Variants in BPIFA1 observed in about 807,000 individuals in gnomAD.
The protein encoded by BPIFA1 is BPI fold containing family A member 1.
Under a neutral mutation model 25.1 loss-of-function variants are expected in BPIFA1, and 24 were observed. The ratio of observed to expected loss-of-function variants is 0.96; its 90% CI spans 0.69 to 1.35. The LOEUF (loss-of-function observed/expected upper bound fraction) is 1.35, where lower values mean the gene tolerates loss of function less well. BPIFA1 is among the 40% of genes most tolerant of loss of function. The pLI is 0.00. For synonymous variants in BPIFA1, 139 were observed against 131.8 expected, an observed-to-expected ratio of 1.05 and a Z score of -0.37; for missense variants, 344 against 303.7, an observed-to-expected ratio of 1.13 and a Z score of -0.99.
intron 7 of BPIFA1, 32 bp from the exon 8 acceptor site, chr20:33,242,455 T>C (rs1044859958): frequency 1.2e-6 from 2 of 1,612,786 alleles, no homozygotes; most frequent in Non-Finnish European, 1.7e-6. Context: ...ATAACTGTCG[T>C]CTGTTTTTTT....
In BPIFA1 at chr20:33,237,767, C is replaced by G; in HGVS notation, c.56C>G (p.Ala19Gly). 1 of 1,583,522 alleles carries G rather than the reference C, an allele frequency of 6.3e-7. No homozygotes were observed. Among genetic ancestry groups the G allele is most frequent in the South Asian group, 1.2e-5 (1 of 85,756 alleles). The change falls in exon 2 of 9, where the codon GCC becomes GGC. Residue 19 changes from alanine to glycine, a missense_variant. Coordinates refer to ENST00000354297, the MANE Select transcript of BPIFA1 (RefSeq NM_130852.3). The part of the protein sequence containing the change: ...VFYGLLAQTM[A>G]QFGGLPVPLD... ...TACGGGCTGTTAGCCCAGACCATGG[C>G]CCAGTTTGGAGGCCTGCCCGTGCCC...
At chr20:33,241,026 G>A (rs1418334612) in intron 5 of BPIFA1, among the ~76,000 whole-genome samples, 1 of 152,170 alleles carries the variant, frequency 6.6e-6, no homozygotes. Context: ...AGTTGCCCAC[G>A]TGGTTAACTT....
intron 6 of BPIFA1, 106 bp from the exon 7 acceptor site, chr20:33,241,950 C>T: frequency 9.7e-7 from 1 of 1,029,818 alleles, no homozygotes. Context: ...CTTAGAATCA[C>T]TTTCACACAG....
intron 7 of BPIFA1, 93 bp downstream of exon 7, chr20:33,242,212 T>A (rs1979012446): frequency 7.7e-7 from 1 of 1,294,872 alleles, no homozygotes; most frequent in African/African-American, 1.5e-5. Context: ...GGATACTAGG[T>A]CCCTCTGGCC....
chr20:33,236,933 C>T lies in BPIFA1; in HGVS notation c.-15-764C>T, dbSNP rs142432787. Among the ~76,000 whole-genome samples the T allele has an allele frequency of 5.8e-3, 884 of 152,226 alleles. 6 individuals carry two copies. The highest frequency in any genetic ancestry group is 0.02 in the African/African-American group (846 of 41,512). On this transcript the variant is annotated intron_variant, in intron 1 of 8. Transcript: ENST00000354297. ...ACATGAGATGGTGGCTGTGGCCATG[C>T]GACCCCTGTATTGTGTGACTTTCAA...
intron 3 of BPIFA1, among the ~76,000 whole-genome samples, chr20:33,238,844 G>A (rs1449294968): frequency 6.6e-6 from 1 of 152,196 alleles, no homozygotes; most frequent in Non-Finnish European, 1.5e-5. Flanking sequence ...TTCCTGGATA[G>A]GACTGGATCA....
Position 33,242,435 on chromosome 20 carries a change from C to T in BPIFA1, c.731-52C>T, listed in dbSNP as rs146285061. The T allele has an allele frequency of 1.6e-3, 2,593 of 1,600,578 alleles. 5 individuals are homozygous for T. Among genetic ancestry groups the T allele is most frequent in the Non-Finnish European group, 1.7e-3 (1,987 of 1,169,050 alleles). Reference sequence around the variant, plus strand: ...ACCTTGAGGAATATGGACTCCTTCACGTTGAGATCATAACTGTCGTCTGTT... The same window carrying T: ...ACCTTGAGGAATATGGACTCCTTCATGTTGAGATCATAACTGTCGTCTGTT... On this transcript the variant is annotated intron_variant, in intron 7 of 8. Coordinates refer to ENST00000354297, the MANE Select transcript of BPIFA1 (RefSeq NM_130852.3).
chr20:33,241,405 A>G lies in BPIFA1; in HGVS notation c.602A>G (p.Gln201Arg). 1 of 1,613,908 alleles carries G rather than the reference A, an allele frequency of 6.2e-7. No individual in the cohort carries two copies. The highest frequency in any genetic ancestry group is 8.5e-7 in the Non-Finnish European group (1 of 1,179,894). Reference sequence around the variant, plus strand: ...TTCAGACTTGGCCCCCTCCCCATTCAAGGTCTTCTGGACAGCCTCACAGGG... The same window carrying G: ...TTCAGACTTGGCCCCCTCCCCATTCGAGGTCTTCTGGACAGCCTCACAGGG... ...LLDGLGPLPI[Q>R]GLLDSLTGIL... is the part of the protein sequence containing the mutation. The change falls in exon 6 of 9, where the codon CAA becomes CGA. Residue 201 changes from glutamine to arginine, a missense_variant. Transcript: ENST00000354297.
At chr20:33,239,295 G>A (rs573809650) in intron 3 of BPIFA1, among the ~76,000 whole-genome samples, 1 of 152,302 alleles carries the variant, frequency 6.6e-6, no homozygotes, top group East Asian at 1.9e-4. Context: ...ACCTGACAGG[G>A]TGAGTGATTC....
At chr20:33,237,188 G>A (rs370419013) in intron 1 of BPIFA1, among the ~76,000 whole-genome samples, 13 of 152,240 alleles carry the variant, frequency 8.5e-5, no homozygotes, top group South Asian at 2.1e-4. Flanking sequence ...TCTGTCCACC[G>A]TGTACTTGTG....
Position 33,242,522 on chromosome 20 carries a change from G to A in BPIFA1, c.766G>A (p.Val256Ile), listed in dbSNP as rs764569180. Residue 256 changes from valine (V) to isoleucine (I), a missense_variant, in exon 8 of 9, where the codon GTC (valine) becomes ATC (isoleucine). By Grantham distance (29) the Val-to-Ile change is conservative (BLOSUM62 3). Transcript: ENST00000354297. ...LIHGLQFVIK[V>I] The stretch of plus-strand genomic sequence containing the variant: ...CCACGGACTACAGTTTGTCATCAAG[G>A]TCTAAGCCTTCCAGGAAGGGGCTGG... 1.2e-6 allele frequency: 2 copies of A among 1,614,084 alleles called. No individual in the cohort carries two copies. The highest frequency in any genetic ancestry group is 3.3e-5 in the Admixed American group (2 of 60,014).
Position 33,238,187 on chromosome 20 carries a change from T to A in BPIFA1, c.293T>A (p.Val98Glu). ...GGACTGCTTGGAAAAGTGACGTCAG[T>A]GATTCCTGGCCTGAACAACATCATT... ...LGGLLGKVTS[V>E]IPGLNNIIDI... is the part of the protein sequence containing the mutation. Residue 98 changes from valine to glutamate, a missense_variant, in exon 3 of 9, where the codon GTG becomes GAG. Coordinates refer to ENST00000354297, the MANE Select transcript of BPIFA1 (RefSeq NM_130852.3). 1.2e-6 allele frequency: 2 copies of A among 1,613,802 alleles called. No individual in the cohort carries two copies. Among genetic ancestry groups the A allele is most frequent in the Non-Finnish European group, 1.7e-6 (2 of 1,179,832 alleles).
chr20:33,239,743 T>C, intron 3 of BPIFA1, 60 bp from the exon 4 acceptor site: 1 of 1,491,752 alleles, frequency 6.7e-7, no homozygotes, highest in South Asian at 1.1e-5. Context: ...TTAAAGATGG[T>C]TTCTGGGTTT....
Position 33,239,838 on chromosome 20 carries a change from G to A in BPIFA1, c.356G>A (p.Gly119Asp). Residue 119 changes from glycine (G) to aspartate (D), a missense_variant, in exon 4 of 9, where the codon GGC becomes GAC. Coordinates refer to ENST00000354297, the MANE Select transcript of BPIFA1 (RefSeq NM_130852.3). ...KVTDPQLLEL[G>D]LVQSPDGHRL... ...ACTGACCCCCAGCTGCTGGAACTTG[G>A]CCTTGTGCAGAGCCCTGATGGCCAC... 1 of 1,614,198 alleles carries A rather than the reference G, an allele frequency of 6.2e-7. No individual in the cohort carries two copies. The highest frequency in any genetic ancestry group is 8.5e-7 in the Non-Finnish European group (1 of 1,180,012).
At chr20:33,240,105 AAAATGAGAT>A in intron 4 of BPIFA1, 119 bp from the exon 5 acceptor site, 1 of 1,463,718 alleles carries the variant, frequency 6.8e-7, no homozygotes, top group Non-Finnish European at 9.3e-7. Flanking sequence ...CTCCTGCTAG[AAAATGAGAT>A]AAGTACAACT....
chr20:33,240,438 G>A (rs1034261593), intron 5 of BPIFA1, 53 bp downstream of exon 5: 57 of 1,595,076 alleles, frequency 3.6e-5, no homozygotes, highest in Middle Eastern at 1.7e-4. Context: ...GTGTGATGCC[G>A]GATGGATGAT....
chr20:33,239,801 A>G lies in BPIFA1; in HGVS notation c.321-2A>G. On this transcript the variant is annotated splice_acceptor_variant, in intron 3 of 8. Transcript: ENST00000354297. LOFTEE classifies it high-confidence loss of function. ...CCCCCTCCAATATTACTCCCTGGAC[A>G]GCATAAAGGTCACTGACCCCCAGCT... is the stretch of plus-strand genomic sequence containing the variant. 2 of 1,613,364 alleles carry G rather than the reference A, an allele frequency of 1.2e-6. No homozygotes were observed. The highest frequency in any genetic ancestry group is 1.7e-6 in the Non-Finnish European group (2 of 1,179,280).
rs200716440 is a variant in BPIFA1 at position 33,241,458 on chromosome 20, G to A, written c.655G>A (p.Val219Ile). 1.9e-6 allele frequency: 3 copies of A among 1,613,550 alleles called. No individual in the cohort carries two copies. The change falls in exon 6 of 9, where the codon GTT becomes ATT. Residue 219 changes from valine (V) to isoleucine (I), a missense_variant. Physicochemically the swap from Val to Ile is conservative, Grantham distance 29 (BLOSUM62 3). Transcript: ENST00000354297. ...GILNKVLPELVQGNVCPLVNE... is the reference protein window; with the variant it reads ...GILNKVLPELIQGNVCPLVNE... Reference sequence around the variant, plus strand: ...CTTGAATAAAGTCCTGCCTGAGTTGGTTCAGGGCAACGTAAGTAGGCAAGG... The same window carrying A: ...CTTGAATAAAGTCCTGCCTGAGTTGATTCAGGGCAACGTAAGTAGGCAAGG...
rs10677320 is a variant in BPIFA1 at position 33,240,530 on chromosome 20, AGATGGATGGATGGATG to A, written c.581+180_581+195del. Reference sequence around the variant, plus strand: ...TGGATGGGAAGGAGGGAGCGTGGAAAGATGGATGGATGGATGGATGGATGGATGGATGGATGGATGG... The same window carrying A: ...TGGATGGGAAGGAGGGAGCGTGGAAAGATGGATGGATGGATGGATGGATGG... On this transcript the variant is annotated intron_variant, in intron 5 of 8. Transcript: ENST00000354297. 2.3e-4 allele frequency: 173 copies of A among 749,612 alleles called. 3 individuals are homozygous for A. Among genetic ancestry groups the A allele is most frequent in the South Asian group, 2.1e-3 (109 of 52,344 alleles). The allele number at this position is 749,612 out of a possible 1,614,324, so 46.4% of individuals were successfully genotyped here.
Sources: gnomAD v4.1 joint callset for allele counts (sites outside exome capture counted in the v4.1 genomes callset) on GRCh38, gnomAD v4.1.1 for gene constraint, MANE v1.5 for transcripts, NCBI Gene and HGNC (gene_info 2026-07-23, HGNC 2026-07-21) for gene names.